CYTH1: variants seen among roughly 807,000 people sequenced by gnomAD.
The protein encoded by CYTH1 is cytohesin 1, also known as cytohesin-1.
In CYTH1, 18 loss-of-function variants were observed where a neutral mutation model predicts 61.8. The observed-to-expected ratio is 0.29, with a 90% CI of 0.20 to 0.43. The LOEUF (loss-of-function observed/expected upper bound fraction) is 0.43. Ranked by LOEUF, CYTH1 falls within the 20% of genes least tolerant of loss-of-function variation. CYTH1 has a pLI of 1.00. For synonymous variants in CYTH1, 174 were observed against 184.3 expected (o/e 0.94, Z 0.45); for missense variants, 336 against 510.5 (o/e 0.66, Z 3.29).
intron 1 of CYTH1, among the ~76,000 whole-genome samples, chr17:78,754,015 G>A (rs2377000): frequency 0.56 from 84,415 of 151,966 alleles, 23,514 homozygotes; most frequent in East Asian, 0.61. Flanking sequence ...CTGGCTGATG[G>A]CATGCTAGGA....
At chr17:78,754,457 C>A (rs2093393138) in intron 1 of CYTH1, among the ~76,000 whole-genome samples, 2 of 152,064 alleles carry the variant, frequency 1.3e-5, no homozygotes, top group African/African-American at 4.8e-5. Flanking sequence ...AATCCTCCCA[C>A]CTTAGCCTCC....
At chr17:78,760,548 T>TATATATGTATATATATATACATAC (rs2093423927) in intron 1 of CYTH1, among the ~76,000 whole-genome samples, 2 of 38,192 alleles carry the variant, frequency 5.2e-5, no homozygotes, top group African/African-American at 2.0e-4. Context: ...TATATATGTA[T>TATATATGTATATATATATACATAC]ATATATATGT....
In CYTH1 at chr17:78,692,356, G is replaced by A. The variant is rs1240135916; in HGVS notation, c.891+61C>T. The stretch of plus-strand genomic sequence containing the variant: ...GTCTCCTCAACCATGTCTGATTAGA[G>A]ACACTTGGAACCGGAGGCCTTGCCC... On this transcript the variant is annotated intron_variant, in intron 11 of 13. Transcript: ENST00000446868. 1.7e-5 allele frequency: 26 copies of A among 1,535,760 alleles called. No homozygotes were observed. In the East Asian group the frequency reaches 5.8e-4, roughly 35 times the overall value.
intron 1 of CYTH1, among the ~76,000 whole-genome samples, chr17:78,768,641 T>C (rs988946184): frequency 8.5e-5 from 13 of 152,168 alleles, no homozygotes; most frequent in Middle Eastern, 3.4e-3. Flanking sequence ...CTGTATTTTT[T>C]CTCTCCTACC....
intron 1 of CYTH1, among the ~76,000 whole-genome samples, chr17:78,718,218 T>TACACACACACACACACACACACACACAC (rs55803104): frequency 1.6e-5 from 2 of 128,336 alleles, no homozygotes; most frequent in African/African-American, 6.2e-5. Context: ...AAACACTGAA[T>TACACACACACACACACACACACACACAC]ACACACACAC....
At position 78,675,920 on chromosome 17, in the gene CYTH1, T is replaced by C. The variant is rs1126607; in HGVS notation, c.*171A>G. 478,239 of 1,538,068 alleles carry C rather than the reference T, an allele frequency of 0.31. 77,750 individuals are homozygous for C. The highest frequency in any genetic ancestry group is 0.36 in the East Asian group (14,757 of 40,764). On this transcript the variant is annotated 3_prime_UTR_variant, in exon 14 of 14. Coordinates refer to ENST00000446868, the MANE Select transcript of CYTH1 (RefSeq NM_004762.6). ...CGGTCCTCTCTTCCCCAGTGATAAC[T>C]GCCCACCCTTCTCCCACTTAAAAAA...
At chr17:78,748,613 T>C (rs1307714324) in intron 1 of CYTH1, among the ~76,000 whole-genome samples, 1 of 152,248 alleles carries the variant, frequency 6.6e-6, no homozygotes, top group Non-Finnish European at 1.5e-5. Context: ...TTGGGTTTTC[T>C]GTATACTTCT....
At chr17:78,759,643 T>C (rs760094103) in intron 1 of CYTH1, among the ~76,000 whole-genome samples, 2 of 152,236 alleles carry the variant, frequency 1.3e-5, no homozygotes, top group African/African-American at 4.8e-5. Flanking sequence ...AAAACCTCTG[T>C]AAGTTCAAAA....
At chr17:78,682,907 G>A (rs1424397940) in intron 11 of CYTH1, among the ~76,000 whole-genome samples, 3 of 152,138 alleles carry the variant, frequency 2.0e-5, no homozygotes, top group African/African-American at 7.2e-5. Context: ...CCATCGTTTG[G>A]GGGAGGTTTA....
At chr17:78,769,539 T>C (rs2144746735) in intron 1 of CYTH1, among the ~76,000 whole-genome samples, 1 of 152,296 alleles carries the variant, frequency 6.6e-6, no homozygotes, top group East Asian at 1.9e-4. Flanking sequence ...ACTGCTCTCC[T>C]TGGTTTACCT....
intron 1 of CYTH1, among the ~76,000 whole-genome samples, chr17:78,744,492 C>T (rs1331021103): frequency 6.6e-6 from 1 of 152,208 alleles, no homozygotes; most frequent in African/African-American, 2.4e-5. Flanking sequence ...TGGAGCATAA[C>T]AAAGACTTGT....
chr17:78,782,257 CG>C lies in CYTH1; in HGVS notation c.-35del. The C allele has an allele frequency of 8.0e-7, 1 of 1,253,168 alleles. No individual in the cohort carries two copies. Among genetic ancestry groups the C allele is most frequent in the Non-Finnish European group, 1.0e-6 (1 of 985,306 alleles). 77.6% of individuals were successfully genotyped at this position (1,253,168 alleles called of 1,614,324 possible). On this transcript the variant is annotated 5_prime_UTR_variant, in exon 1 of 14. Transcript: ENST00000446868. The stretch of plus-strand genomic sequence containing the variant: ...AGCCGGGCTCCGCGCTCCGGCTCGC[CG>C]CTCGCGTCCCGCCGCGCCACCCGCG...
At chr17:78,776,758 T>C (rs565172199) in intron 1 of CYTH1, among the ~76,000 whole-genome samples, 101 of 151,166 alleles carry the variant, frequency 6.7e-4, no homozygotes, top group African/African-American at 2.3e-3. Context: ...CTGAGCAGAA[T>C]AGTATTTTCT....
At chr17:78,685,377 G>T (rs2092806406) in intron 11 of CYTH1, among the ~76,000 whole-genome samples, 1 of 151,718 alleles carries the variant, frequency 6.6e-6, no homozygotes, top group Non-Finnish European at 1.5e-5. Flanking sequence ...CATTGTCCAG[G>T]TTTATAACAT....
Position 78,676,084 on chromosome 17 carries a change from T to G in CYTH1, c.*7A>C. 6.2e-7 allele frequency: 1 copy of G among 1,604,910 alleles called. No homozygotes were observed. Among genetic ancestry groups the G allele is most frequent in the Non-Finnish European group, 8.5e-7 (1 of 1,175,874 alleles). ...GCCCCCGCAGACCAACGCCCTTGGC[T>G]GCACGCTCAGTGTCGCTTCGTGGAG... On this transcript the variant is annotated 3_prime_UTR_variant, in exon 14 of 14. Coordinates refer to ENST00000446868, the MANE Select transcript of CYTH1 (RefSeq NM_004762.6).
intron 1 of CYTH1, among the ~76,000 whole-genome samples, chr17:78,773,152 A>G (rs1315367480): frequency 6.6e-6 from 1 of 152,058 alleles, no homozygotes; most frequent in Non-Finnish European, 1.5e-5. Context: ...ACAGTTTATC[A>G]TTATAACCCA....
chr17:78,679,157 C>A (rs1342525616), intron 13 of CYTH1, among the ~76,000 whole-genome samples: 3 of 152,182 alleles, frequency 2.0e-5, no homozygotes, highest in African/African-American at 7.2e-5. Flanking sequence ...GGGGCTGTAG[C>A]CTGGGTGGGA....
Position 78,771,069 on chromosome 17 carries a change from C to T in CYTH1, c.22+11133G>A, listed in dbSNP as rs375231694. On this transcript the variant is annotated intron_variant, in intron 1 of 13. Transcript: ENST00000446868. Reference sequence around the variant, plus strand: ...CATGAGGCCAGGAGTTTGGGACCAGCCTGCCCAACATGGCAAAATCCCATC... The same window carrying T: ...CATGAGGCCAGGAGTTTGGGACCAGTCTGCCCAACATGGCAAAATCCCATC... Among the ~76,000 whole-genome samples the T allele has an allele frequency of 4.7e-4, 72 of 151,892 alleles. 2 individuals are homozygous for T. In the East Asian group the frequency reaches 9.8e-3, roughly 21 times the overall value.
intron 1 of CYTH1, among the ~76,000 whole-genome samples, chr17:78,747,787 C>T (rs1410916639): frequency 2.6e-5 from 4 of 152,196 alleles, no homozygotes; most frequent in Admixed American, 2.0e-4. Flanking sequence ...TCTTTACCCA[C>T]TCATGAGCTG....
Sources: allele counts gnomAD v4.1 joint callset (sites outside exome capture counted in the v4.1 genomes callset), GRCh38; gene constraint gnomAD v4.1.1; transcripts MANE v1.5; gene names NCBI Gene and HGNC (gene_info 2026-07-23, HGNC 2026-07-21).